Variants in PROM1 observed in about 807,000 individuals in gnomAD.
PROM1 encodes the protein prominin 1.
In PROM1, 105 loss-of-function variants were observed where a neutral mutation model predicts 116.9. The ratio of observed to expected loss-of-function variants is 0.90; its 90% CI spans 0.77 to 1.06. The LOEUF is 1.06. PROM1 is among the 50% of genes least tolerant of loss of function. The pLI is 0.00. For synonymous variants in PROM1, 393 were observed against 387.0 expected (o/e 1.02, Z -0.18); for missense variants, 1,122 against 1,045.2 (o/e 1.07, Z -1.01).
chr4:15,999,744 G>A (rs927723794), intron 14 of PROM1, among the ~76,000 whole-genome samples: 1 of 151,928 alleles, frequency 6.6e-6, no homozygotes, highest in Non-Finnish European at 1.5e-5. Context: ...CTAAAATACT[G>A]TGACAACAGT....
chr4:15,984,606 C>T (rs1256659351), intron 22 of PROM1, among the ~76,000 whole-genome samples: 1 of 152,128 alleles, frequency 6.6e-6, no homozygotes. Flanking sequence ...TACAGCTGCT[C>T]CTCATCTCTT....
At chr4:15,974,750 CG>C (rs1338772957) in intron 26 of PROM1, among the ~76,000 whole-genome samples, 8 of 152,078 alleles carry the variant, frequency 5.3e-5, no homozygotes, top group Non-Finnish European at 1.0e-4. Flanking sequence ...GGATTAAAGG[CG>C]TGAGCCACCG....
chr4:16,079,087 TG>T (rs1257798016), intron 1 of PROM1, among the ~76,000 whole-genome samples: 4 of 63,728 alleles, frequency 6.3e-5, no homozygotes, highest in Admixed American at 2.5e-4. Flanking sequence ...CACTTTATCT[TG>T]GTTTTTTTTT....
chr4:16,061,978 G>A (rs13123996), intron 2 of PROM1, among the ~76,000 whole-genome samples: 107,930 of 148,820 alleles, frequency 0.73, 39,051 homozygotes, highest in Non-Finnish European at 0.76. Context: ...TGCAAGCTCC[G>A]CCTCCCGGGT....
At chr4:16,003,019 C>G (rs1478178351) in intron 13 of PROM1, among the ~76,000 whole-genome samples, 1 of 152,180 alleles carries the variant, frequency 6.6e-6, no homozygotes, top group Non-Finnish European at 1.5e-5. Context: ...GTATGGCCAG[C>G]AGAACCTAAA....
intron 26 of PROM1, among the ~76,000 whole-genome samples, chr4:15,973,150 G>T (rs1371310444): frequency 1.3e-5 from 2 of 152,160 alleles, no homozygotes; most frequent in African/African-American, 4.8e-5. Flanking sequence ...GCAGCCATGC[G>T]GACCCCTCCT....
At chr4:16,050,745 G>C (rs1737673946) in intron 2 of PROM1, among the ~76,000 whole-genome samples, 3 of 152,160 alleles carry the variant, frequency 2.0e-5, no homozygotes, top group Admixed American at 6.5e-5. Flanking sequence ...GTTAATATAA[G>C]TTTATTCTGA....
intron 26 of PROM1, among the ~76,000 whole-genome samples, chr4:15,974,472 A>G (rs916330089): frequency 1.3e-5 from 2 of 152,206 alleles, no homozygotes; most frequent in Non-Finnish European, 2.9e-5. Context: ...AGTTTATGAA[A>G]CTGAGTTTGC....
At chr4:15,985,622 CCTGCA>C (rs1719170150) in intron 22 of PROM1, 133 bp downstream of exon 22, 1 of 720,418 alleles carries the variant, frequency 1.4e-6, no homozygotes. Flanking sequence ...AAGTCTTGGT[CCTGCA>C]CATCAATGTC....
At chr4:16,075,044 T>C (rs1268858338) in intron 2 of PROM1, among the ~76,000 whole-genome samples, 2 of 152,178 alleles carry the variant, frequency 1.3e-5, no homozygotes, top group African/African-American at 2.4e-5. Flanking sequence ...TATGAACACA[T>C]ACCCTGAATT....
chr4:16,039,522 G>A (rs1445871431), intron 2 of PROM1, among the ~76,000 whole-genome samples: 3 of 152,128 alleles, frequency 2.0e-5, no homozygotes, highest in East Asian at 1.9e-4. Context: ...TGGATCACCC[G>A]AGGCCAGGAG....
In PROM1 at chr4:16,013,296, G is replaced by A; in HGVS notation, c.1120C>T (p.Gln374Ter). 1 of 1,609,386 alleles carries A rather than the reference G, an allele frequency of 6.2e-7. No homozygotes were observed. Among genetic ancestry groups the A allele is most frequent in the East Asian group, 2.2e-5 (1 of 44,862 alleles). ...LNDIPDRVQRQTTTVVAGIKR... is the reference protein window; with the variant it reads ...LNDIPDRVQR The stretch of plus-strand genomic sequence containing the variant: ...TCACCTGCTACGACAGTCGTGGTTT[G>A]GCGTTGTACTCTGTCAGGTATATCA... The change falls in exon 11 of 28, where the codon CAA becomes TAA. Residue 374 changes from glutamine (Q) to a stop codon, truncating the protein, a stop_gained. Coordinates refer to ENST00000447510, the MANE Select transcript of PROM1 (RefSeq NM_006017.3). LOFTEE classifies it high-confidence loss of function.
At chr4:16,082,438 C>G (rs1349351189) in intron 1 of PROM1, 4 of 152,284 alleles carry the variant, frequency 2.6e-5, no homozygotes, top group Non-Finnish European at 5.9e-5. Flanking sequence ...AAACCTTTCT[C>G]CAGAAAGGTC....
intron 2 of PROM1, among the ~76,000 whole-genome samples, chr4:16,044,232 T>C (rs774383770): frequency 1.3e-5 from 2 of 152,266 alleles, no homozygotes; most frequent in Non-Finnish European, 2.9e-5. Context: ...AACTGGCTTC[T>C]CTGAATACAT....
At chr4:16,013,139 T>C in intron 11 of PROM1, 136 bp downstream of exon 11, 1 of 692,386 alleles carries the variant, frequency 1.4e-6, no homozygotes, top group Non-Finnish European at 2.5e-6. Flanking sequence ...ATTGTAAAGC[T>C]CTGATATTTG....
At chr4:16,062,503 A>G (rs1740586393) in intron 2 of PROM1, among the ~76,000 whole-genome samples, 1 of 152,242 alleles carries the variant, frequency 6.6e-6, no homozygotes, top group African/African-American at 2.4e-5. Context: ...CAAATGTCCT[A>G]TAAAGACTTA....
At chr4:16,030,665 A>G (rs748452052) in intron 5 of PROM1, among the ~76,000 whole-genome samples, 7 of 152,232 alleles carry the variant, frequency 4.6e-5, no homozygotes, top group Non-Finnish European at 1.0e-4. Flanking sequence ...ACATAATGTA[A>G]ATAACTCAAT....
intron 2 of PROM1, among the ~76,000 whole-genome samples, chr4:16,047,575 T>TGTTACAATTAGTTTC (rs143336946): frequency 0.056 from 8,473 of 152,196 alleles, 347 homozygotes; most frequent in African/African-American, 0.11. Context: ...CAATTAGTTT[T>TGTTACAATTAGTTTC]GTTACAATTA....
intron 15 of PROM1, 36 bp downstream of exon 15, chr4:15,998,349 C>G: frequency 1.3e-6 from 2 of 1,527,686 alleles, no homozygotes; most frequent in Non-Finnish European, 1.8e-6. Flanking sequence ...AAAAGAACAT[C>G]TTAAATAGCG....
Sources: allele counts gnomAD v4.1 joint callset (sites outside exome capture counted in the v4.1 genomes callset), GRCh38; gene constraint gnomAD v4.1.1; transcripts MANE v1.5; gene names NCBI Gene and HGNC (gene_info 2026-07-23, HGNC 2026-07-21).